GRIK2: variants seen among roughly 807,000 people sequenced by gnomAD.
The protein encoded by GRIK2 is glutamate ionotropic receptor kainate type subunit 2, also known as glutamate receptor ionotropic, kainate 2.
In GRIK2, 32 loss-of-function variants were observed where a neutral mutation model predicts 100.3. The ratio of observed to expected loss-of-function variants is 0.32; its 90% CI spans 0.24 to 0.43. The LOEUF (loss-of-function observed/expected upper bound fraction) is 0.43, where lower values mean the gene tolerates loss of function less well. Ranked by LOEUF, GRIK2 falls within the 20% of genes least tolerant of loss-of-function variation. The pLI is 1.00. For missense variants in GRIK2, 843 were observed against 1,114.9 expected (o/e 0.76, Z 3.47); for synonymous variants, 417 against 389.4 (o/e 1.07, Z -0.83).
chr6:101,923,716 T>G (rs1320883189), intron 12 of GRIK2, among the ~76,000 whole-genome samples: 1 of 151,668 alleles, frequency 6.6e-6, no homozygotes, highest in Non-Finnish European at 1.5e-5. Flanking sequence ...AGCTCAGGAG[T>G]TTGAGACCAG....
At chr6:101,830,702 T>TAA (rs536764363) in intron 10 of GRIK2, among the ~76,000 whole-genome samples, 1 of 141,280 alleles carries the variant, frequency 7.1e-6, no homozygotes, top group African/African-American at 2.6e-5. Context: ...ATTAAAAAAG[T>TAA]AAAAAAAAAA....
Position 102,045,364 on chromosome 6 carries a change from TCTTA to T in GRIK2, c.2311+9802_2311+9805del, listed in dbSNP as rs1003698440. On this transcript the variant is annotated intron_variant, in intron 15 of 16. Coordinates refer to ENST00000369134, the MANE Select transcript of GRIK2 (RefSeq NM_021956.5). ...TCTTCTTTTACTTTTGCTACCTTTT[TCTTA>T]CTTCTCTCTCTTCTCTTTCCATCTA... 3.3e-5 allele frequency among the ~76,000 whole-genome samples: 5 copies of T among 152,230 alleles called. 1 individual carries two copies. In the East Asian group the frequency reaches 5.8e-4, roughly 18 times the overall value.
chr6:102,018,980 A>C (rs919414372), intron 14 of GRIK2, among the ~76,000 whole-genome samples: 1 of 151,970 alleles, frequency 6.6e-6, no homozygotes, highest in Non-Finnish European at 1.5e-5. Context: ...TTTTCTGCGA[A>C]GGGGTTTGAA....
intron 12 of GRIK2, among the ~76,000 whole-genome samples, chr6:101,916,120 A>G (rs946789171): frequency 3.3e-5 from 5 of 151,514 alleles, no homozygotes; most frequent in Non-Finnish European, 7.4e-5. Context: ...GCTTCAGGTA[A>G]ATTTGAATGT....
At chr6:101,534,295 A>T (rs141255803) in intron 2 of GRIK2, among the ~76,000 whole-genome samples, 328 of 152,018 alleles carry the variant, frequency 2.2e-3, no homozygotes, top group Middle Eastern at 6.8e-3. Flanking sequence ...ACAGTATTCA[A>T]TGTTTTCATT....
chr6:101,545,835 C>T lies in GRIK2; in HGVS notation c.116-76114C>T, dbSNP rs929980729. Among the ~76,000 whole-genome samples, 6 of 152,150 alleles carry T rather than the reference C, an allele frequency of 3.9e-5. No homozygotes were observed. The South Asian group carries it at 8.3e-4, about 21-fold the overall frequency. On this transcript the variant is annotated intron_variant, in intron 2 of 16. Transcript: ENST00000369134. ...GAATCTTATAATTAGCTTTCCCTTT[C>T]ATAATTAGCTGTATTATACATCTGA...
intron 2 of GRIK2, among the ~76,000 whole-genome samples, chr6:101,537,336 G>A (rs1473784902): frequency 6.6e-6 from 1 of 151,492 alleles, no homozygotes; most frequent in Non-Finnish European, 1.5e-5. Context: ...TGGGCTCATT[G>A]TTATTTCCTC....
chr6:101,809,981 G>T lies in GRIK2; in HGVS notation c.1203+7543G>T, dbSNP rs576796012. 5.3e-5 allele frequency among the ~76,000 whole-genome samples: 8 copies of T among 151,938 alleles called. No individual in the cohort carries two copies. In the South Asian group the frequency reaches 1.7e-3, roughly 32 times the overall value. On this transcript the variant is annotated intron_variant, in intron 9 of 16. Transcript: ENST00000369134. ...TCAGATTGCCTTATTTGAGGTCACAGAATTTATTGTTTTGGTTCCCAAAAA... is the reference window on the plus strand; with the variant it reads ...TCAGATTGCCTTATTTGAGGTCACATAATTTATTGTTTTGGTTCCCAAAAA...
chr6:101,497,982 G>A (rs1773537451), intron 2 of GRIK2, among the ~76,000 whole-genome samples: 2 of 149,822 alleles, frequency 1.3e-5, no homozygotes, highest in Non-Finnish European at 3.0e-5. Context: ...TCATCATTTA[G>A]CATTAGGTAT....
At chr6:101,774,262 T>C (rs993687787) in intron 7 of GRIK2, among the ~76,000 whole-genome samples, 1 of 152,164 alleles carries the variant, frequency 6.6e-6, no homozygotes, top group African/African-American at 2.4e-5. Context: ...ATTCATCATA[T>C]TGAAAAAGGT....
chr6:102,026,884 T>C (rs1186346584), intron 14 of GRIK2, among the ~76,000 whole-genome samples: 2 of 151,280 alleles, frequency 1.3e-5, no homozygotes, highest in Non-Finnish European at 3.0e-5. Flanking sequence ...GATCCACCTT[T>C]GATATGAACC....
At chr6:101,931,088 G>A (rs1041086520) in intron 14 of GRIK2, among the ~76,000 whole-genome samples, 1 of 152,022 alleles carries the variant, frequency 6.6e-6, no homozygotes, top group Admixed American at 6.6e-5. Flanking sequence ...TACATTAAAT[G>A]TTGATATTTT....
chr6:102,036,273 A>G (rs1770270359), intron 15 of GRIK2, among the ~76,000 whole-genome samples: 1 of 151,166 alleles, frequency 6.6e-6, no homozygotes, highest in African/African-American at 2.4e-5. Flanking sequence ...ATATATATAA[A>G]ACATTACAGT....
intron 14 of GRIK2, among the ~76,000 whole-genome samples, chr6:102,034,497 T>C (rs888844273): frequency 5.3e-5 from 8 of 151,428 alleles, no homozygotes; most frequent in African/African-American, 1.9e-4. Context: ...AATAATTAAA[T>C]GATGATAAGG....
chr6:101,793,944 C>A (rs111759993), intron 7 of GRIK2, among the ~76,000 whole-genome samples: 18 of 152,154 alleles, frequency 1.2e-4, no homozygotes, highest in African/African-American at 4.3e-4. Context: ...CTCCCTGCCG[C>A]GTTGCAGTTT....
intron 10 of GRIK2, among the ~76,000 whole-genome samples, chr6:101,823,419 C>T (rs2128424406): frequency 6.6e-6 from 1 of 151,798 alleles, no homozygotes; most frequent in South Asian, 2.1e-4. Context: ...TCGTCAACTA[C>T]AGGTCTATGC....
At chr6:101,771,005 G>C (rs1009478187) in intron 7 of GRIK2, among the ~76,000 whole-genome samples, 3 of 151,998 alleles carry the variant, frequency 2.0e-5, no homozygotes, top group African/African-American at 7.2e-5. Context: ...CTATTATATT[G>C]TCTAGTACTT....
intron 10 of GRIK2, among the ~76,000 whole-genome samples, chr6:101,845,001 GT>G (rs1441728588): frequency 1.4e-5 from 2 of 143,018 alleles, no homozygotes; most frequent in East Asian, 3.2e-4. Context: ...TTCATTGTTT[GT>G]TTGTTGTTGT....
intron 7 of GRIK2, among the ~76,000 whole-genome samples, chr6:101,795,767 G>T (rs1349892548): frequency 6.6e-6 from 1 of 152,194 alleles, no homozygotes; most frequent in East Asian, 1.9e-4. Flanking sequence ...TGGCATGCTT[G>T]GGTACTTGGG....
Sources: gnomAD v4.1 joint callset for allele counts (sites outside exome capture counted in the v4.1 genomes callset) on GRCh38, gnomAD v4.1.1 for gene constraint, MANE v1.5 for transcripts, NCBI Gene and HGNC (gene_info 2026-07-23, HGNC 2026-07-21) for gene names.